MAP3K1: variants seen among roughly 807,000 people sequenced by gnomAD.
The protein encoded by MAP3K1 is MAP/ERK kinase kinase 1.
MAP3K1 carries 36 observed loss-of-function variants against 144.2 expected under a neutral mutation model. That is an observed-to-expected ratio of 0.25 (90% CI 0.19 to 0.33). MAP3K1 has a LOEUF of 0.33. MAP3K1 is among the 10% of genes least tolerant of loss of function. The pLI, the probability that MAP3K1 is intolerant of heterozygous loss-of-function variation, is 1.00. For synonymous variants in MAP3K1, 718 were observed against 688.7 expected (o/e 1.04, Z -0.67); for missense variants, 1,650 against 1,881.9 (o/e 0.88, Z 2.28).
intron 1 of MAP3K1, among the ~76,000 whole-genome samples, chr5:56,848,652 A>G (rs1288802312): frequency 1.3e-5 from 2 of 152,150 alleles, no homozygotes; most frequent in Admixed American, 6.5e-5. Flanking sequence ...TTATGTTTCT[A>G]TACTGTGTTC....
At chr5:56,827,715 T>C (rs771955271) in intron 1 of MAP3K1, among the ~76,000 whole-genome samples, 4 of 152,064 alleles carry the variant, frequency 2.6e-5, no homozygotes, top group African/African-American at 4.8e-5. Flanking sequence ...AATACAAAAA[T>C]TAGCCGGGCT....
Position 56,857,065 on chromosome 5 carries a change from T to G in MAP3K1, c.633+315T>G, listed in dbSNP as rs550057778. ...ACTTGTAAATTTTAAAAAGAATTTT[T>G]CCAGTTTATTTTAGATGTTTTATCT... On this transcript the variant is annotated intron_variant, in intron 2 of 19. Coordinates refer to ENST00000399503, the MANE Select transcript of MAP3K1 (RefSeq NM_005921.2). 2.6e-5 allele frequency among the ~76,000 whole-genome samples: 4 copies of G among 152,304 alleles called. No homozygotes were observed. In the East Asian group the frequency reaches 7.7e-4, roughly 29 times the overall value.
At position 56,888,179 on chromosome 5, in the gene MAP3K1, C is replaced by CT. The variant is rs774103345; in HGVS notation, c.4258-42dup. On this transcript the variant is annotated intron_variant, in intron 18 of 19. Coordinates refer to ENST00000399503, the MANE Select transcript of MAP3K1 (RefSeq NM_005921.2). ...ATCTATAACTACAAAATGGCCTTCT[C>CT]TTTTTCAAATGAGTCCTATTTCCAA... 3.1e-6 allele frequency: 5 copies of CT among 1,593,646 alleles called. No individual in the cohort carries two copies. In the South Asian group the frequency reaches 5.5e-5, roughly 18 times the overall value.
intron 1 of MAP3K1, among the ~76,000 whole-genome samples, chr5:56,846,866 T>G (rs33327): frequency 0.77 from 117,714 of 152,142 alleles, 45,885 homozygotes; most frequent in Non-Finnish European, 0.82. Context: ...AGAAAGAACT[T>G]TTCTTTTTCC....
intron 1 of MAP3K1, among the ~76,000 whole-genome samples, chr5:56,851,276 T>G (rs1747162222): frequency 6.6e-6 from 1 of 152,162 alleles, no homozygotes; most frequent in Non-Finnish European, 1.5e-5. Context: ...TTATGAAATG[T>G]CCCCTGTGTG....
Position 56,882,852 on chromosome 5 carries a change from A to G in MAP3K1, c.3652A>G (p.Ile1218Val), listed in dbSNP as rs1268858034. Residue 1218 changes from isoleucine to valine, a missense_variant, in exon 14 of 20, where the codon ATT becomes GTT. Coordinates refer to ENST00000399503, the MANE Select transcript of MAP3K1 (RefSeq NM_005921.2). ...GGTTGAAAATGGAGAAGATATCATC[A>G]TTATTCAACAGGATGTAAGTATAGA... ...LQVENGEDIIIIQQDTPETLP... is the reference protein window; with the variant it reads ...LQVENGEDIIVIQQDTPETLP... 3.7e-6 allele frequency: 6 copies of G among 1,609,450 alleles called. No individual in the cohort carries two copies. The highest frequency in any genetic ancestry group is 5.1e-6 in the Non-Finnish European group (6 of 1,179,446).
At position 56,883,661 on chromosome 5, in the gene MAP3K1, T is replaced by G. The variant is rs1278845713; in HGVS notation, c.3801T>G (p.Thr1267=). 2 of 1,614,092 alleles carry G rather than the reference T, an allele frequency of 1.2e-6. No homozygotes were observed. The highest frequency in any genetic ancestry group is 1.7e-6 in the Non-Finnish European group (2 of 1,179,974). Residue 1267 remains threonine (T), a synonymous_variant, in exon 15 of 20, where the codon ACT becomes ACG. Transcript: ENST00000399503. ...AGGCTCAAGATGTGGGAACTGGAAC[T>G]TTAATGGCTGTTAAACAGGTAAATA... The part of the protein sequence containing the change: ...CYQAQDVGTG[T]LMAVKQVTYV...
At chr5:56,865,805 GT>G in intron 5 of MAP3K1, 23 bp from the exon 6 acceptor site, 1 of 1,611,870 alleles carries the variant, frequency 6.2e-7, no homozygotes, top group South Asian at 1.1e-5. Flanking sequence ...AAATATCATT[GT>G]TACTGTCTTT....
In MAP3K1 at chr5:56,868,506, T is replaced by C. The variant is rs567057965; in HGVS notation, c.1301+2529T>C. 3.3e-5 allele frequency among the ~76,000 whole-genome samples: 5 copies of C among 152,146 alleles called. No homozygotes were observed. The East Asian group carries it at 7.8e-4, about 24-fold the overall frequency. On this transcript the variant is annotated intron_variant, in intron 6 of 19. Transcript: ENST00000399503. ...TTCATGCCATTCTCCTGCCTCAGCC[T>C]CCCGAGTAGCTGGGATTACAGGCGC... is the stretch of plus-strand genomic sequence containing the variant.
intron 1 of MAP3K1, chr5:56,842,009 C>T (rs548608430): frequency 3.9e-5 from 6 of 152,266 alleles, no homozygotes; most frequent in African/African-American, 1.2e-4. Context: ...GCCAGAAAAC[C>T]TTCACCTGTA....
chr5:56,871,291 A>T (rs1378313108), intron 6 of MAP3K1, among the ~76,000 whole-genome samples: 2 of 151,872 alleles, frequency 1.3e-5, no homozygotes, highest in Non-Finnish European at 2.9e-5. Flanking sequence ...GGTTGTTTTG[A>T]TTTCTTTTCG....
chr5:56,877,592 T>G (rs79848146), intron 10 of MAP3K1, among the ~76,000 whole-genome samples: 1,646 of 151,750 alleles, frequency 0.011, 18 homozygotes, highest in Non-Finnish European at 0.014. Context: ...ATGTGTCTCT[T>G]AAAACCAAAT....
rs1007206322 is a variant in MAP3K1 at position 56,816,026 on chromosome 5, C to G, written c.453C>G (p.Ala151=). Residue 151 remains alanine, a synonymous_variant, in exon 1 of 20, where the codon GCC becomes GCG. Transcript: ENST00000399503. The part of the protein sequence containing the change: ...AEPGEKRAPA[A]EPSPAAAPAG... The stretch of plus-strand genomic sequence containing the variant: ...CCGGGGAGAAGCGGGCGCCCGCCGC[C>G]GAGCCGTCTCCTGCAGCGGCCCCCG... 1.6e-6 allele frequency: 2 copies of G among 1,222,846 alleles called. No individual in the cohort carries two copies. Among genetic ancestry groups the G allele is most frequent in the African/African-American group, 1.6e-5 (1 of 63,662 alleles). The allele number at this position is 1,222,846 out of a possible 1,614,324, so 75.7% of individuals were successfully genotyped here. A position where few individuals can be genotyped will look rare whatever the true frequency, so the allele number is the denominator to read the frequency against.
intron 3 of MAP3K1, 81 bp from the exon 4 acceptor site, chr5:56,864,653 G>A (rs1579759728): frequency 1.2e-5 from 17 of 1,468,762 alleles, no homozygotes; most frequent in Middle Eastern, 3.5e-4. Flanking sequence ...GATTACAGGC[G>A]TGAGCCACCA....
In MAP3K1 at chr5:56,877,416, G is replaced by C. The variant is rs145695370; in HGVS notation, c.1966-1564G>C. ...TGTATAAAGGATACCAGGCTCCATG[G>C]AGGCAGAAATGGCTCCTGCTGTTAA... On this transcript the variant is annotated intron_variant, in intron 10 of 19. Coordinates refer to ENST00000399503, the MANE Select transcript of MAP3K1 (RefSeq NM_005921.2). 2.4e-3 allele frequency among the ~76,000 whole-genome samples: 359 copies of C among 152,152 alleles called. 2 individuals are homozygous for C. Among genetic ancestry groups the C allele is most frequent in the African/African-American group, 8.1e-3 (337 of 41,528 alleles).
chr5:56,877,537 T>G (rs1748077243), intron 10 of MAP3K1, among the ~76,000 whole-genome samples: 1 of 105,502 alleles, frequency 9.5e-6, no homozygotes. Context: ...TTTTTTTTTT[T>G]GCTGAATCGT....
At chr5:56,876,918 G>T (rs1244586982) in intron 10 of MAP3K1, among the ~76,000 whole-genome samples, 2 of 152,156 alleles carry the variant, frequency 1.3e-5, no homozygotes, top group Non-Finnish European at 2.9e-5. Context: ...AGCATATTCT[G>T]TGGAAGTTTG....
At chr5:56,846,471 A>T (rs763736746) in intron 1 of MAP3K1, among the ~76,000 whole-genome samples, 22 of 152,176 alleles carry the variant, frequency 1.4e-4, no homozygotes, top group Non-Finnish European at 2.8e-4. Flanking sequence ...ACTCAAATTG[A>T]TAGTCTTCTA....
At chr5:56,890,558 C>A (rs775165082) in intron 19 of MAP3K1, among the ~76,000 whole-genome samples, 9 of 152,126 alleles carry the variant, frequency 5.9e-5, no homozygotes, top group Non-Finnish European at 1.2e-4. Flanking sequence ...TTCTTTGACT[C>A]AGCTATGCCC....
Sources: gnomAD v4.1 joint callset for allele counts (sites outside exome capture counted in the v4.1 genomes callset) on GRCh38, gnomAD v4.1.1 for gene constraint, MANE v1.5 for transcripts, NCBI Gene and HGNC (gene_info 2026-07-23, HGNC 2026-07-21) for gene names.